The following HSPBP1 variants were observed in gnomAD, a reference collection of about 807,000 sequenced individuals.
HSPBP1 encodes the protein HSPA (Hsp70) binding protein 1.
HSPBP1 carries 31 observed loss-of-function variants against 41.7 expected under a neutral mutation model. The ratio of observed to expected loss-of-function variants is 0.74; its 90% CI spans 0.56 to 1.00. The LOEUF is 1.00. Ranked by LOEUF, HSPBP1 falls within the 50% of genes least tolerant of loss-of-function variation. HSPBP1 has a pLI of 0.00. For synonymous variants in HSPBP1, 199 were observed against 214.4 expected (o/e 0.93, Z 0.63); for missense variants, 439 against 487.9 (o/e 0.90, Z 0.94).
intron 4 of HSPBP1, among the ~76,000 whole-genome samples, chr19:55,271,912 A>G (rs1208114455): frequency 6.6e-6 from 1 of 152,144 alleles, no homozygotes; most frequent in Non-Finnish European, 1.5e-5. Flanking sequence ...TACAAAAAAA[A>G]TTAGCTGGGC....
At chr19:55,273,812 CACCTGTAACCTCA>C (rs1721465673) in intron 4 of HSPBP1, among the ~76,000 whole-genome samples, 3 of 152,064 alleles carry the variant, frequency 2.0e-5, no homozygotes, top group Admixed American at 2.0e-4. Context: ...TGGTGGATCA[CACCTGTAACCTCA>C]ACACTTTCAG....
intron 3 of HSPBP1, among the ~76,000 whole-genome samples, chr19:55,275,902 C>T (rs1055811171): frequency 1.3e-5 from 2 of 149,358 alleles, no homozygotes; most frequent in Admixed American, 6.7e-5. Flanking sequence ...GAGCTGAGAT[C>T]GCGCCATTGC....
rs1018540179 is a variant in HSPBP1, at chr19:55,268,229, G to A, written c.641-1943C>T. Among the ~76,000 whole-genome samples, 7 of 152,026 alleles carry A rather than the reference G, an allele frequency of 4.6e-5. No homozygotes were observed. The highest frequency in any genetic ancestry group is 2.0e-4 in the Admixed American group (3 of 15,252). Reference sequence around the variant, plus strand: ...GCAGATCACTTGAGGTCAGGAGTTCGAGACCAGCCTGACCAACATGGTGAA... The same window carrying A: ...GCAGATCACTTGAGGTCAGGAGTTCAAGACCAGCCTGACCAACATGGTGAA... On this transcript the variant is annotated intron_variant, in intron 4 of 7. Coordinates refer to ENST00000433386, the MANE Select transcript of HSPBP1 (RefSeq NM_012267.5). This position sits in a 1 kb window ranked among gnomAD's most constrained non-coding sequence, Gnocchi z 4.5.
chr19:55,274,344 G>GCCCCCCCCCCCCCC, intron 4 of HSPBP1, 54 bp downstream of exon 4: 1 of 293,906 alleles, frequency 3.4e-6, no homozygotes. Flanking sequence ...GGGCCCACCC[G>GCCCCCCCCCCCCCC]GCACCCCCCC....
chr19:55,277,953 T>G, intron 2 of HSPBP1, 107 bp from the exon 3 acceptor site: 1 of 941,510 alleles, frequency 1.1e-6, no homozygotes, highest in Non-Finnish European at 1.5e-6. Context: ...GTTCCTTCAG[T>G]CAACAAATAT....
rs1165444956 is a variant in HSPBP1, at chr19:55,270,618, T to C, written c.640+3780A>G. On this transcript the variant is annotated intron_variant, in intron 4 of 7. Transcript: ENST00000433386. This position sits in a 1 kb window ranked among gnomAD's most constrained non-coding sequence, Gnocchi z 5.4. ...AGGTCAAGGTGCGCCACAGTCAGGATGGCCTGTGCCAGCCGTGCACATCTG... is the reference window on the plus strand; with the variant it reads ...AGGTCAAGGTGCGCCACAGTCAGGACGGCCTGTGCCAGCCGTGCACATCTG... Among the ~76,000 whole-genome samples the C allele has an allele frequency of 1.3e-5, 2 of 152,114 alleles. No homozygotes were observed. The highest frequency in any genetic ancestry group is 2.9e-5 in the Non-Finnish European group (2 of 68,006).
Position 55,262,598 on chromosome 19 carries a change from C to CCACCTGGTTTCACCGATCCATGCTGTCGT in HSPBP1, c.1061_*9dup. ...TTCCCACGGAGAAGGGGGCAAGAAGCCACCTGGTTTCACCGATCCATGCTG... is the reference window on the plus strand; with the variant it reads ...TTCCCACGGAGAAGGGGGCAAGAAGCCACCTGGTTTCACCGATCCATGCTGTCGTCACCTGGTTTCACCGATCCATGCTG... On this transcript the variant is annotated 3_prime_UTR_variant, in exon 8 of 8. Transcript: ENST00000433386. The CCACCTGGTTTCACCGATCCATGCTGTCGT allele has an allele frequency of 1.2e-6, 2 of 1,613,502 alleles. No homozygotes were observed. Among genetic ancestry groups the CCACCTGGTTTCACCGATCCATGCTGTCGT allele is most frequent in the Non-Finnish European group, 8.5e-7 (1 of 1,179,676 alleles).
rs778790704 is a variant in HSPBP1, at chr19:55,274,529, C to G, written c.509G>C (p.Gly170Ala). 39 of 1,607,870 alleles carry G rather than the reference C, an allele frequency of 2.4e-5. No individual in the cohort carries two copies. Among genetic ancestry groups the G allele is most frequent in the Non-Finnish European group, 3.0e-5 (35 of 1,179,170 alleles). ...GGCTGCCACGTTCTGACTGCACGTG[C>G]CGATGAGCTGTGCCGCCCGCCACCG... is the stretch of plus-strand genomic sequence containing the variant. ...GLRWRAAQLI[G>A]TCSQNVAAIQ... The change falls in exon 4 of 8, where the codon GGC becomes GCC. Residue 170 changes from glycine (G) to alanine (A), a missense_variant. By Grantham distance (60) the Gly-to-Ala change is moderately conservative (BLOSUM62 0). Transcript: ENST00000433386.
intron 4 of HSPBP1, among the ~76,000 whole-genome samples, chr19:55,274,152 C>T (rs954679476): frequency 1.1e-4 from 16 of 152,098 alleles, no homozygotes; most frequent in African/African-American, 3.6e-4. Context: ...GTGTGCAAAG[C>T]GCTCACGCTG....
At chr19:55,276,399 G>C (rs187933448) in intron 3 of HSPBP1, among the ~76,000 whole-genome samples, 1 of 152,282 alleles carries the variant, frequency 6.6e-6, no homozygotes, top group African/African-American at 2.4e-5. Context: ...ACAGTCATAT[G>C]GGAGGATGTT....
intron 7 of HSPBP1, among the ~76,000 whole-genome samples, chr19:55,263,430 C>T (rs956428988): frequency 1.3e-5 from 2 of 152,186 alleles, no homozygotes; most frequent in African/African-American, 4.8e-5. Flanking sequence ...GCTAATGAAA[C>T]GGCCCTTAAC....
intron 1 of HSPBP1, 113 bp downstream of exon 1, chr19:55,279,922 T>C: frequency 6.2e-6 from 3 of 487,492 alleles, no homozygotes; most frequent in Non-Finnish European, 1.1e-5. Context: ...GTCCCGTCTC[T>C]TAGCAACCTC....
chr19:55,263,060 T>C (rs1057478957), intron 7 of HSPBP1, among the ~76,000 whole-genome samples: 1 of 151,952 alleles, frequency 6.6e-6, no homozygotes, highest in African/African-American at 2.4e-5. Flanking sequence ...AATACTCCCA[T>C]GGCAAAAAAA....
chr19:55,277,638 G>C lies in HSPBP1; in HGVS notation c.415+4C>G, dbSNP rs774887887. The C allele has an allele frequency of 1.2e-6, 2 of 1,602,746 alleles. No individual in the cohort carries two copies. Among genetic ancestry groups the C allele is most frequent in the South Asian group, 2.2e-5 (2 of 89,412 alleles). On this transcript the variant is annotated splice_donor_region_variant and intron_variant, in intron 3 of 7. Transcript: ENST00000433386. ...AGAACGTCCTGGCGGGGGAAGCGGG[G>C]TACCTGCGGCATTGTCCATGTTCTC...
intron 3 of HSPBP1, among the ~76,000 whole-genome samples, chr19:55,275,858 G>T (rs913428343): frequency 2.6e-5 from 4 of 151,414 alleles, no homozygotes; most frequent in Admixed American, 1.3e-4. Context: ...CAAGGCAGGA[G>T]AATCGTTTGA....
chr19:55,277,274 GCTTTTC>G (rs2088098188), intron 3 of HSPBP1, among the ~76,000 whole-genome samples: 1 of 152,226 alleles, frequency 6.6e-6, no homozygotes, highest in Admixed American at 6.5e-5. Context: ...TGTCTGGAAT[GCTTTTC>G]CCAGAGATCA....
chr19:55,279,610 G>A lies in HSPBP1; in HGVS notation c.-2C>T, dbSNP rs1379791108. ...CCCCCTTGAGCCTTCGTCTGACATGGGCCGTTTGTGAAGAAGGGAAGAATG... is the reference window on the plus strand; with the variant it reads ...CCCCCTTGAGCCTTCGTCTGACATGAGCCGTTTGTGAAGAAGGGAAGAATG... On this transcript the variant is annotated 5_prime_UTR_variant, in exon 2 of 8. Coordinates refer to ENST00000433386, the MANE Select transcript of HSPBP1 (RefSeq NM_012267.5). The A allele has an allele frequency of 1.9e-6, 3 of 1,581,356 alleles. No individual in the cohort carries two copies. The highest frequency in any genetic ancestry group is 1.1e-5 in the South Asian group (1 of 88,646).
chr19:55,279,989 T>TC (rs2088189324), intron 1 of HSPBP1, 46 bp downstream of exon 1: 2 of 315,466 alleles, frequency 6.3e-6, no homozygotes, highest in East Asian at 2.1e-4. Flanking sequence ...CAACAAGTCT[T>TC]CTCCCTCCTC....
At position 55,277,552 on chromosome 19, in the gene HSPBP1, C is replaced by T. The variant is rs866643052; in HGVS notation, c.415+90G>A. The T allele has an allele frequency of 4.8e-5, 63 of 1,312,598 alleles. No individual in the cohort carries two copies. The South Asian group carries it at 5.3e-4, about 11-fold the overall frequency. The allele number at this position is 1,312,598 out of a possible 1,614,324, so 81.3% of individuals were successfully genotyped here. ...GGTGAGAAGGCAGCAGGGAGGCTGACGGTGTGAGCCCCAAGAGTAGGGGCA... is the reference window on the plus strand; with the variant it reads ...GGTGAGAAGGCAGCAGGGAGGCTGATGGTGTGAGCCCCAAGAGTAGGGGCA... On this transcript the variant is annotated intron_variant, in intron 3 of 7. Coordinates refer to ENST00000433386, the MANE Select transcript of HSPBP1 (RefSeq NM_012267.5).
Sources: allele counts gnomAD v4.1 joint callset (sites outside exome capture counted in the v4.1 genomes callset), GRCh38; gene constraint gnomAD v4.1.1; non-coding constraint Gnocchi (gnomAD v3.1); transcripts MANE v1.5; gene names NCBI Gene and HGNC (gene_info 2026-07-23, HGNC 2026-07-21).